PTH2R: variants seen among roughly 807,000 people sequenced by gnomAD.
PTH2R encodes the protein PTH2 receptor.
Under a neutral mutation model 60.3 loss-of-function variants are expected in PTH2R, and 59 were observed. The ratio of observed to expected loss-of-function variants is 0.98; its 90% confidence interval spans 0.79 to 1.22. PTH2R has a LOEUF of 1.22. Ranked by LOEUF, PTH2R falls within the 50% of genes most tolerant of loss-of-function variation. The probability of loss-of-function intolerance (pLI) is 0.00; values close to 1 mark genes in which losing one functional copy is unlikely to be tolerated. For synonymous variants in PTH2R, 256 were observed against 243.8 expected (o/e 1.05, Z -0.47); for missense variants, 749 against 682.6 (o/e 1.10, Z -1.08).
intron 2 of PTH2R, 59 bp from the exon 3 acceptor site, chr2:208,437,478 T>C: frequency 1.7e-5 from 25 of 1,444,078 alleles, no homozygotes; most frequent in Non-Finnish European, 2.4e-5. Context: ...ATGCATTTGT[T>C]CTCTGGTTCT....
chr2:208,423,166 C>T (rs556636758), intron 1 of PTH2R, among the ~76,000 whole-genome samples: 16 of 151,726 alleles, frequency 1.1e-4, no homozygotes, highest in Non-Finnish European at 2.2e-4. Context: ...TGTAGGTTCT[C>T]GGGGTGGGAG....
chr2:208,371,595 T>C lies in PTH2R; in HGVS notation c.-259+11358T>C, dbSNP rs1253365852. ...TAAGTTGACAGATGAAATGTTTTCC[T>C]CCCAACATGACCAAGCTTATAGTGC... On this transcript the variant is annotated intron_variant, in intron 1 of 12. Transcript: ENST00000617735. Among the ~76,000 whole-genome samples the C allele has an allele frequency of 2.0e-5, 3 of 152,102 alleles. No homozygotes were observed. In the East Asian group the frequency reaches 5.8e-4, roughly 29 times the overall value.
intron 1 of PTH2R, among the ~76,000 whole-genome samples, chr2:208,410,104 C>A (rs1248123531): frequency 6.6e-6 from 1 of 152,186 alleles, no homozygotes; most frequent in African/African-American, 2.4e-5. Context: ...AGAATTCCTA[C>A]TGTTGACCTT....
At chr2:208,458,402 G>A (rs1049994282) in intron 8 of PTH2R, among the ~76,000 whole-genome samples, 7 of 152,050 alleles carry the variant, frequency 4.6e-5, no homozygotes, top group Admixed American at 3.3e-4. Flanking sequence ...GGATAAGGTC[G>A]TGGATCTTAT....
intron 10 of PTH2R, among the ~76,000 whole-genome samples, chr2:208,485,442 G>A (rs555959939): frequency 2.0e-5 from 3 of 152,024 alleles, no homozygotes; most frequent in Non-Finnish European, 2.9e-5. Context: ...GTATAAAAAC[G>A]TACAATGTGC....
intron 1 of PTH2R, among the ~76,000 whole-genome samples, chr2:208,418,454 A>G (rs1701686441): frequency 6.6e-6 from 1 of 152,088 alleles, no homozygotes; most frequent in African/African-American, 2.4e-5. Context: ...AACCAACTCC[A>G]ACAATGTATG....
intron 1 of PTH2R, among the ~76,000 whole-genome samples, chr2:208,377,586 C>T (rs1317760721): frequency 8.1e-5 from 12 of 147,956 alleles, no homozygotes; most frequent in Admixed American, 4.6e-4. Context: ...GCTGGCCGGG[C>T]GGGGGCTGAC....
chr2:208,422,594 G>A (rs1196075411), intron 1 of PTH2R, among the ~76,000 whole-genome samples: 1 of 151,982 alleles, frequency 6.6e-6, no homozygotes, highest in Admixed American at 6.6e-5. Flanking sequence ...ATCACCTGTG[G>A]TAGATTCTCA....
At chr2:208,456,525 C>T (rs1702517823) in intron 8 of PTH2R, among the ~76,000 whole-genome samples, 1 of 152,216 alleles carries the variant, frequency 6.6e-6, no homozygotes, top group African/African-American at 2.4e-5. Flanking sequence ...ATTTCTAGAA[C>T]ATCTGCACAG....
Position 208,465,895 on chromosome 2 carries a change from A to ATTT in PTH2R, c.981+5934_981+5935insTTT, listed in dbSNP as rs1574898917. Among the ~76,000 whole-genome samples, 34 of 151,102 alleles carry ATTT rather than the reference A, an allele frequency of 2.3e-4. 2 individuals carry two copies. Among genetic ancestry groups the ATTT allele is most frequent in the East Asian group, 5.9e-4 (3 of 5,118 alleles). The stretch of plus-strand genomic sequence containing the variant: ...GCTGTCAAGAAATTTTTTTTTTTTA[A>ATTT]AAATCCAAATGCTGGCATTGTTCAG... On this transcript the variant is annotated intron_variant, in intron 9 of 12. Coordinates refer to ENST00000272847, the MANE Select transcript of PTH2R (RefSeq NM_005048.4).
At chr2:208,484,980 G>T (rs1471202834) in intron 10 of PTH2R, among the ~76,000 whole-genome samples, 1 of 152,086 alleles carries the variant, frequency 6.6e-6, no homozygotes, top group African/African-American at 2.4e-5. Flanking sequence ...ATTTAGGTGG[G>T]GATGGGTAGA....
chr2:208,470,646 C>CT (rs982445333), intron 9 of PTH2R, among the ~76,000 whole-genome samples: 3 of 151,264 alleles, frequency 2.0e-5, no homozygotes, highest in African/African-American at 7.4e-5. Context: ...TCCATTAAAC[C>CT]TTTTTTTTCT....
chr2:208,399,135 C>T (rs1015697321), intron 1 of PTH2R, among the ~76,000 whole-genome samples: 7 of 152,190 alleles, frequency 4.6e-5, no homozygotes, highest in African/African-American at 1.7e-4. Flanking sequence ...CCTGTGAATT[C>T]TAAGTTTATT....
intron 2 of PTH2R, among the ~76,000 whole-genome samples, chr2:208,433,498 C>T (rs1702013874): frequency 6.6e-6 from 1 of 152,162 alleles, no homozygotes; most frequent in Admixed American, 6.5e-5. Context: ...ACTGTCTATA[C>T]TTTAGAAATC....
At position 208,388,141 on chromosome 2, in the gene PTH2R, C is replaced by CG. The variant is rs369282889; in HGVS notation, c.-259+27904_-259+27905insG. Reference sequence around the variant, plus strand: ...TGGCTAACATGGTGAAACCCCCCCCCCCGTCTCTACTAAAAATACAAAAAA... The same window carrying CG: ...TGGCTAACATGGTGAAACCCCCCCCCGCCGTCTCTACTAAAAATACAAAAAA... On this transcript the variant is annotated intron_variant, in intron 1 of 12. Transcript: ENST00000617735. Among the ~76,000 whole-genome samples, 868 of 150,418 alleles carry CG rather than the reference C, an allele frequency of 5.8e-3. 10 individuals carry two copies. Among genetic ancestry groups the CG allele is most frequent in the Non-Finnish European group, 7.6e-3 (509 of 67,300 alleles).
chr2:208,416,343 T>C (rs6704866), intron 1 of PTH2R, among the ~76,000 whole-genome samples: 3,566 of 152,314 alleles, frequency 0.023, 134 homozygotes, highest in African/African-American at 0.082. Flanking sequence ...AAGCACTTTG[T>C]AGGAAATATT....
intron 5 of PTH2R, among the ~76,000 whole-genome samples, chr2:208,442,870 T>G (rs1231053089): frequency 6.6e-6 from 1 of 152,186 alleles, no homozygotes; most frequent in Admixed American, 6.5e-5. Flanking sequence ...CACTTTAACA[T>G]GTGTCCAATT....
chr2:208,493,572 T>C lies in PTH2R; in HGVS notation c.1566T>C (p.Asp522=). Residue 522 remains aspartate (D), a synonymous_variant, in exon 13 of 13, where the codon GAT becomes GAC. Coordinates refer to ENST00000272847, the MANE Select transcript of PTH2R (RefSeq NM_005048.4). The part of the protein sequence containing the change: ...ETKEDSGRQG[D]DILMEKPSRP... ...AGGAAGATAGTGGGAGGCAGGGAGA[T>C]GATATTCTAATGGAGAAGCCTTCCA... 9 of 1,613,180 alleles carry C rather than the reference T, an allele frequency of 5.6e-6. No individual in the cohort carries two copies. The highest frequency in any genetic ancestry group is 7.6e-6 in the Non-Finnish European group (9 of 1,179,470).
intron 1 of PTH2R, among the ~76,000 whole-genome samples, chr2:208,398,575 G>T (rs1438459228): frequency 6.6e-6 from 1 of 152,118 alleles, no homozygotes. Flanking sequence ...GCTTCTTTAG[G>T]GGCATTGTAT....
Sources: allele counts gnomAD v4.1 joint callset (sites outside exome capture counted in the v4.1 genomes callset), GRCh38; gene constraint gnomAD v4.1.1; transcripts MANE v1.5; gene names NCBI Gene and HGNC (gene_info 2026-07-23, HGNC 2026-07-21).